The following SPNS3 variants were observed in gnomAD, a reference collection of about 807,000 sequenced individuals.
SPNS3 encodes SPNS lysolipid transporter 3, sphingosine-1-phosphate (putative), also known as protein spinster homolog 3.
SPNS3 carries 51 observed loss-of-function variants against 54.4 expected under a neutral mutation model. That is an observed-to-expected ratio of 0.94 (90% confidence interval 0.75 to 1.18). The LOEUF (loss-of-function observed/expected upper bound fraction) is 1.18, where lower values mean the gene tolerates loss of function less well. Among genes scored for constraint, SPNS3 ranks in the 50% most tolerant of loss-of-function variants. The probability of loss-of-function intolerance (pLI) is 0.00; values close to 1 mark genes in which losing one functional copy is unlikely to be tolerated. For synonymous variants in SPNS3, 309 were observed against 294.7 expected, an observed-to-expected ratio of 1.05 and a Z score of -0.50; for missense variants, 669 against 677.4, an observed-to-expected ratio of 0.99 and a Z score of 0.14.
intron 8 of SPNS3, among the ~76,000 whole-genome samples, chr17:4,466,767 C>T (rs1017916269): frequency 1.3e-5 from 2 of 152,140 alleles, no homozygotes; most frequent in Non-Finnish European, 1.5e-5. Flanking sequence ...ATCGCTGGAA[C>T]ATGGGAGGCG....
At chr17:4,434,641 C>CAT (rs1970667717) in intron 1 of SPNS3, among the ~76,000 whole-genome samples, 1 of 151,546 alleles carries the variant, frequency 6.6e-6, no homozygotes, top group Admixed American at 6.6e-5. Flanking sequence ...GGATTACAGG[C>CAT]GTGCACCACC....
At chr17:4,482,459 C>T (rs192829254) in intron 9 of SPNS3, 1 of 152,342 alleles carries the variant, frequency 6.6e-6, no homozygotes, top group Non-Finnish European at 1.5e-5. Flanking sequence ...TTTGAGAACA[C>T]TGGTCTCACG....
At chr17:4,442,550 A>C (rs2144007377) in intron 2 of SPNS3, among the ~76,000 whole-genome samples, 1 of 151,924 alleles carries the variant, frequency 6.6e-6, no homozygotes, top group Admixed American at 6.6e-5. Context: ...ACAAAAAAAG[A>C]GAAGAGGAGT....
At chr17:4,436,151 C>T (rs1303884787) in intron 1 of SPNS3, among the ~76,000 whole-genome samples, 3 of 152,080 alleles carry the variant, frequency 2.0e-5, no homozygotes, top group Non-Finnish European at 4.4e-5. Flanking sequence ...TCCTGCGAGG[C>T]GGAGAGGTGC....
rs145509116 is a variant in SPNS3, at chr17:4,486,547, G to C, written c.1414G>C (p.Glu472Gln). The C allele has an allele frequency of 4.3e-6, 7 of 1,613,180 alleles. No individual in the cohort carries two copies. The highest frequency in any genetic ancestry group is 5.9e-6 in the Non-Finnish European group (7 of 1,179,776). The change falls in exon 11 of 12, where the codon GAG becomes CAG. Residue 472 changes from glutamate (E) to glutamine (Q), a missense_variant. Coordinates refer to ENST00000355530, the MANE Select transcript of SPNS3 (RefSeq NM_182538.5). This position sits in a 1 kb window ranked among gnomAD's most constrained non-coding sequence, Gnocchi z 5.5. ...GCFLLTALYLERDETRAWQPV... is the reference protein window; with the variant it reads ...GCFLLTALYLQRDETRAWQPV... ...CTTCCTGCTGACTGCGCTGTACCTG[G>C]AGAGAGACGAGACCCGGGCCTGGCA...
chr17:4,460,204 A>C (rs1405269655), intron 8 of SPNS3, among the ~76,000 whole-genome samples: 1 of 152,122 alleles, frequency 6.6e-6, no homozygotes, highest in Non-Finnish European at 1.5e-5. Flanking sequence ...TGGGTGCCAG[A>C]TCATGTAGGA....
chr17:4,434,282 C>T, intron 1 of SPNS3, 116 bp downstream of exon 1: 1 of 1,014,658 alleles, frequency 9.9e-7, no homozygotes, highest in Non-Finnish European at 1.4e-6. Flanking sequence ...GGGCCCATCT[C>T]TGGTGTTCTC....
intron 8 of SPNS3, among the ~76,000 whole-genome samples, chr17:4,454,601 C>G (rs1250305493): frequency 6.8e-6 from 1 of 147,614 alleles, no homozygotes; most frequent in Non-Finnish European, 1.5e-5. Flanking sequence ...GCCCTGCTTC[C>G]AAATAAAGCT....
chr17:4,452,820 G>T (rs976866306), intron 7 of SPNS3, among the ~76,000 whole-genome samples, 196 bp from the exon 8 acceptor site: 1 of 152,060 alleles, frequency 6.6e-6, no homozygotes, highest in Non-Finnish European at 1.5e-5. Context: ...AGAGCAGTGG[G>T]ACATTGGTCC....
At chr17:4,448,426 C>T (rs941535617) in intron 6 of SPNS3, 123 bp downstream of exon 6, 2 of 980,520 alleles carry the variant, frequency 2.0e-6, no homozygotes, top group Middle Eastern at 4.4e-4. Context: ...CACAGCCCTC[C>T]TCTTCCTCTG....
rs1312553233 is a variant in SPNS3 at position 4,488,187 on chromosome 17, A to G, written c.*293A>G. 1 of 422,600 alleles carries G rather than the reference A, an allele frequency of 2.4e-6. No individual in the cohort carries two copies. The highest frequency in any genetic ancestry group is 4.0e-5 in the Admixed American group (1 of 25,254). The allele number at this position is 422,600 out of a possible 1,614,324, so 26.2% of individuals were successfully genotyped here. A position where few individuals can be genotyped will look rare whatever the true frequency, so the allele number is the denominator to read the frequency against. On this transcript the variant is annotated 3_prime_UTR_variant, in exon 12 of 12. Transcript: ENST00000355530. ...ATAAAGAGAGGCCAGTACAAAGCCC[A>G]TGGATTTTGGGCCTGTAGACAGCCG...
intron 2 of SPNS3, among the ~76,000 whole-genome samples, chr17:4,443,133 C>T (rs139138840): frequency 0.11 from 16,177 of 151,820 alleles, 1,033 homozygotes; most frequent in African/African-American, 0.18. Flanking sequence ...TGCAGTGGTG[C>T]GATCTCAGCT....
chr17:4,444,656 C>G (rs780183464), intron 2 of SPNS3, among the ~76,000 whole-genome samples: 3 of 152,116 alleles, frequency 2.0e-5, no homozygotes, highest in Non-Finnish European at 4.4e-5. Context: ...TCCAGGCTCA[C>G]GGGGGTCATG....
chr17:4,448,478 G>A (rs1484408627), intron 6 of SPNS3, among the ~76,000 whole-genome samples, 175 bp downstream of exon 6: 1 of 152,136 alleles, frequency 6.6e-6, no homozygotes, highest in Non-Finnish European at 1.5e-5. Flanking sequence ...CTCCCTTAGG[G>A]CTCAGCCTCC....
At chr17:4,435,460 AT>A in intron 1 of SPNS3, among the ~76,000 whole-genome samples, 2 of 149,814 alleles carry the variant, frequency 1.3e-5, no homozygotes, top group African/African-American at 4.9e-5. Context: ...AAAATAAAAA[AT>A]AAAAAATAAA....
intron 1 of SPNS3, among the ~76,000 whole-genome samples, chr17:4,435,832 T>C (rs1970702935): frequency 6.6e-6 from 1 of 152,140 alleles, no homozygotes. Flanking sequence ...CTCGGGAGGC[T>C]GAGGCAGGAC....
chr17:4,451,230 A>ACTTCTT (rs10672650), intron 7 of SPNS3, among the ~76,000 whole-genome samples: 5 of 146,012 alleles, frequency 3.4e-5, no homozygotes, highest in South Asian at 2.2e-4. Flanking sequence ...TTTAGAAAGC[A>ACTTCTT]CTTCTTCTTC....
chr17:4,439,534 G>A, intron 1 of SPNS3, 124 bp from the exon 2 acceptor site: 1 of 749,630 alleles, frequency 1.3e-6, no homozygotes, highest in South Asian at 1.7e-5. Context: ...GAGAACAGTG[G>A]GCTTGGGTGC....
chr17:4,453,690 C>T (rs896787128), intron 8 of SPNS3, among the ~76,000 whole-genome samples: 2 of 152,158 alleles, frequency 1.3e-5, no homozygotes, highest in Non-Finnish European at 2.9e-5. Context: ...GGATTTGAGC[C>T]TGAGCTTTTC....
Sources: allele counts gnomAD v4.1 joint callset (sites outside exome capture counted in the v4.1 genomes callset), GRCh38; gene constraint gnomAD v4.1.1; non-coding constraint Gnocchi (gnomAD v3.1); transcripts MANE v1.5; gene names NCBI Gene and HGNC (gene_info 2026-07-23, HGNC 2026-07-21).